ACSS3: variants seen among roughly 807,000 people sequenced by gnomAD.
The protein encoded by ACSS3 is acyl-CoA synthetase short chain family member 3.
Under a neutral mutation model 84.2 loss-of-function variants are expected in ACSS3, and 64 were observed. That is an observed-to-expected ratio of 0.76 (90% CI 0.62 to 0.94). The LOEUF (loss-of-function observed/expected upper bound fraction) is 0.94. Among genes scored for constraint, ACSS3 ranks in the 40% least tolerant of loss-of-function variants. The pLI, the probability that ACSS3 is intolerant of heterozygous loss-of-function variation, is 0.00. For synonymous variants in ACSS3, 317 were observed against 310.1 expected (o/e 1.02, Z -0.23); for missense variants, 815 against 867.6 (o/e 0.94, Z 0.76).
chr12:81,123,290 A>G (rs1346432760), intron 2 of ACSS3, among the ~76,000 whole-genome samples: 3 of 152,206 alleles, frequency 2.0e-5, no homozygotes, highest in Non-Finnish European at 4.4e-5. Context: ...AAACAGATAC[A>G]TGAGAAGATC....
intron 8 of ACSS3, among the ~76,000 whole-genome samples, chr12:81,194,514 T>C (rs1470173142): frequency 6.6e-6 from 1 of 151,962 alleles, no homozygotes; most frequent in Admixed American, 6.6e-5. Flanking sequence ...AATTTTTCCT[T>C]TGCATTCAAT....
chr12:81,105,281 G>A (rs1483984562), intron 1 of ACSS3, among the ~76,000 whole-genome samples: 1 of 151,942 alleles, frequency 6.6e-6, no homozygotes, highest in Admixed American at 6.6e-5. Flanking sequence ...GAAATCATCA[G>A]CAAATAAATG....
At chr12:81,130,513 G>C (rs1292099423) in intron 2 of ACSS3, among the ~76,000 whole-genome samples, 1 of 152,136 alleles carries the variant, frequency 6.6e-6, no homozygotes, top group African/African-American at 2.4e-5. Context: ...GTTCTTTGTA[G>C]ATTCTGGATA....
intron 13 of ACSS3, among the ~76,000 whole-genome samples, chr12:81,241,856 C>G (rs546260487): frequency 6.6e-6 from 1 of 152,248 alleles, no homozygotes; most frequent in South Asian, 2.1e-4. Context: ...TCCCATTTGT[C>G]AATTCTGGCT....
Position 81,255,431 on chromosome 12 carries a change from A to C in ACSS3, c.*509A>C, listed in dbSNP as rs942123155. 6 of 152,264 alleles carry C rather than the reference A, an allele frequency of 3.9e-5. No homozygotes were observed. The highest frequency in any genetic ancestry group is 1.2e-4 in the African/African-American group (5 of 41,460). The allele number at this position is 152,264 out of a possible 1,614,324, so 9.4% of individuals were successfully genotyped here. A position where few individuals can be genotyped will look rare whatever the true frequency, so the allele number is the denominator to read the frequency against. On this transcript the variant is annotated 3_prime_UTR_variant, in exon 16 of 16. Coordinates refer to ENST00000548058, the MANE Select transcript of ACSS3 (RefSeq NM_024560.4). ...TTTAGGTAATCATCTAGACAGATGA[A>C]ATTATTATCTAGGTAGGAGGGCTTT... is the stretch of plus-strand genomic sequence containing the variant.
intron 9 of ACSS3, among the ~76,000 whole-genome samples, chr12:81,211,616 T>C (rs749423517): frequency 6.6e-6 from 1 of 152,166 alleles, no homozygotes; most frequent in South Asian, 2.1e-4. Flanking sequence ...TATTAACCAG[T>C]TATTCTAATA....
In ACSS3 at chr12:81,157,870, G is replaced by A. The variant is rs113462257; in HGVS notation, c.1098+5774G>A. 2.2e-3 allele frequency among the ~76,000 whole-genome samples: 328 copies of A among 151,138 alleles called. 2 individuals carry two copies. The highest frequency in any genetic ancestry group is 7.5e-3 in the African/African-American group (310 of 41,086). On this transcript the variant is annotated intron_variant, in intron 7 of 15. Transcript: ENST00000548058. ...AAGAAAAGGCATACACACCAGAAGGGTAGAAATAAAATTGTCTTTATTTGC... is the reference window on the plus strand; with the variant it reads ...AAGAAAAGGCATACACACCAGAAGGATAGAAATAAAATTGTCTTTATTTGC...
At chr12:81,207,058 G>A (rs1394345340) in intron 9 of ACSS3, among the ~76,000 whole-genome samples, 1 of 152,120 alleles carries the variant, frequency 6.6e-6, no homozygotes, top group East Asian at 1.9e-4. Flanking sequence ...GGGACTAAAC[G>A]CTGGGAAATC....
chr12:81,189,959 C>T (rs2031481086), intron 8 of ACSS3, among the ~76,000 whole-genome samples: 1 of 152,106 alleles, frequency 6.6e-6, no homozygotes, highest in South Asian at 2.1e-4. Flanking sequence ...TGTGCAGCAA[C>T]ACTTTTGTCA....
intron 13 of ACSS3, among the ~76,000 whole-genome samples, chr12:81,240,829 CA>C (rs1337178744): frequency 6.6e-6 from 1 of 151,616 alleles, no homozygotes; most frequent in Non-Finnish European, 1.5e-5. Flanking sequence ...CTTATGATAG[CA>C]AAATATTTCT....
At chr12:81,156,852 C>A (rs1886900330) in intron 7 of ACSS3, among the ~76,000 whole-genome samples, 1 of 152,124 alleles carries the variant, frequency 6.6e-6, no homozygotes, top group South Asian at 2.1e-4. Context: ...CTGGAAAATT[C>A]TACCAATGTT....
chr12:81,161,204 G>T (rs1242597887), intron 7 of ACSS3, among the ~76,000 whole-genome samples: 1 of 152,186 alleles, frequency 6.6e-6, no homozygotes. Context: ...ACTAGAGGCA[G>T]CTCCCTTTGG....
At chr12:81,102,412 C>T (rs1410289714) in intron 1 of ACSS3, among the ~76,000 whole-genome samples, 1 of 152,092 alleles carries the variant, frequency 6.6e-6, no homozygotes, top group African/African-American at 2.4e-5. Flanking sequence ...TGTGTGATGT[C>T]TGTGCATGTG....
At chr12:81,169,839 A>C (rs1345816543) in intron 7 of ACSS3, among the ~76,000 whole-genome samples, 1 of 152,164 alleles carries the variant, frequency 6.6e-6, no homozygotes, top group Non-Finnish European at 1.5e-5. Flanking sequence ...TGAAATAAAC[A>C]AAACAACTCT....
intron 8 of ACSS3, among the ~76,000 whole-genome samples, chr12:81,194,472 T>C (rs1225329399): frequency 1.3e-5 from 2 of 151,890 alleles, no homozygotes; most frequent in Non-Finnish European, 2.9e-5. Flanking sequence ...CGTAAAGTCT[T>C]TGACATTTTT....
intron 1 of ACSS3, among the ~76,000 whole-genome samples, chr12:81,107,549 TATATATATATA>T (rs1271902082): frequency 8.4e-6 from 1 of 119,028 alleles, no homozygotes; most frequent in Non-Finnish European, 1.8e-5. Context: ...TATATATATA[TATATATATATA>T]AATGTTTTTG....
chr12:81,125,918 C>T (rs945171283), intron 2 of ACSS3: 15 of 152,154 alleles, frequency 9.9e-5, no homozygotes, highest in Non-Finnish European at 1.5e-4. Flanking sequence ...ACCCCTATTA[C>T]GCAATAATCG....
intron 13 of ACSS3, among the ~76,000 whole-genome samples, chr12:81,241,090 G>A (rs565670825): frequency 1.7e-3 from 253 of 149,474 alleles, no homozygotes; most frequent in Non-Finnish European, 3.1e-3. Flanking sequence ...GTGGTGTTTG[G>A]TTTTTTGTTC....
chr12:81,255,163 C>T lies in ACSS3; in HGVS notation c.*241C>T. 2.9e-6 allele frequency: 1 copy of T among 344,796 alleles called. No homozygotes were observed. The highest frequency in any genetic ancestry group is 5.2e-6 in the Non-Finnish European group (1 of 192,288). The allele number at this position is 344,796 out of a possible 1,614,324, so 21.4% of individuals were successfully genotyped here. A position where few individuals can be genotyped will look rare whatever the true frequency, so the allele number is the denominator to read the frequency against. ...AACATGGCTTATTGAATGTCATCTA[C>T]TGCTTTAGGAAAAACGTATCTAGTG... On this transcript the variant is annotated 3_prime_UTR_variant, in exon 16 of 16. Transcript: ENST00000548058.
Sources: gnomAD v4.1 joint callset for allele counts (sites outside exome capture counted in the v4.1 genomes callset) on GRCh38, gnomAD v4.1.1 for gene constraint, MANE v1.5 for transcripts, NCBI Gene and HGNC (gene_info 2026-07-23, HGNC 2026-07-21) for gene names.